Variants in MYO16 observed in about 807,000 individuals in gnomAD.
MYO16 encodes myosin XVI.
Under a neutral mutation model 205.3 loss-of-function variants are expected in MYO16, and 94 were observed. The ratio of observed to expected loss-of-function variants is 0.46; its 90% confidence interval spans 0.39 to 0.54. MYO16 has a LOEUF of 0.54. Among genes scored for constraint, MYO16 ranks in the 20% least tolerant of loss-of-function variants. MYO16 has a pLI of 0.00. For missense variants in MYO16, 2,315 were observed against 2,387.5 expected (o/e 0.97, Z 0.63); for synonymous variants, 988 against 954.0 (o/e 1.04, Z -0.66).
intron 13 of MYO16, among the ~76,000 whole-genome samples, chr13:108,887,654 G>C (rs1361998793): frequency 6.6e-6 from 1 of 152,120 alleles, no homozygotes; most frequent in African/African-American, 2.4e-5. Context: ...ATCTTTCCTA[G>C]ATTAAAGAAA....
At chr13:109,184,124 C>T (rs190272191) in intron 34 of MYO16, among the ~76,000 whole-genome samples, 8 of 152,036 alleles carry the variant, frequency 5.3e-5, no homozygotes, top group South Asian at 4.2e-4. Flanking sequence ...AATCATTAAA[C>T]GATAATTCTA....
At chr13:109,022,027 C>T (rs891814460) in intron 23 of MYO16, among the ~76,000 whole-genome samples, 8 of 149,970 alleles carry the variant, frequency 5.3e-5, no homozygotes, top group Admixed American at 2.0e-4. Flanking sequence ...GTGAGTGGCA[C>T]GTCAGAAGGA....
At chr13:109,122,420 T>A (rs2139764714) in intron 29 of MYO16, among the ~76,000 whole-genome samples, 1 of 152,326 alleles carries the variant, frequency 6.6e-6, no homozygotes, top group Non-Finnish European at 1.5e-5. Flanking sequence ...GGCTCACGCC[T>A]GTATTCTCAG....
chr13:108,661,401 T>C (rs1434315381), intron 1 of MYO16, among the ~76,000 whole-genome samples: 1 of 152,124 alleles, frequency 6.6e-6, no homozygotes, highest in African/African-American at 2.4e-5. Flanking sequence ...AATTTTCTTC[T>C]TCCTCAAGTA....
At chr13:108,690,219 A>T (rs1345805594) in intron 2 of MYO16, among the ~76,000 whole-genome samples, 1 of 151,932 alleles carries the variant, frequency 6.6e-6, no homozygotes, top group African/African-American at 2.4e-5. Context: ...AGCTGCAACC[A>T]TCAACAACTG....
chr13:108,864,851 G>A (rs1360943096), intron 11 of MYO16, among the ~76,000 whole-genome samples: 2 of 152,068 alleles, frequency 1.3e-5, no homozygotes, highest in Admixed American at 6.6e-5. Flanking sequence ...ATGCCTTGAT[G>A]TACATACACT....
intron 27 of MYO16, among the ~76,000 whole-genome samples, chr13:109,070,822 A>T (rs1448457250): frequency 6.6e-6 from 1 of 152,218 alleles, no homozygotes; most frequent in Non-Finnish European, 1.5e-5. Flanking sequence ...GCATCAATTT[A>T]TACACGGAAA....
chr13:109,094,672 C>T (rs1566503162), intron 27 of MYO16, among the ~76,000 whole-genome samples: 2 of 152,152 alleles, frequency 1.3e-5, no homozygotes. Flanking sequence ...CTATCCCTCC[C>T]CTAGCCCCCA....
chr13:108,588,817 C>G, the MYO16 span, among the ~76,000 whole-genome samples: 2 of 152,108 alleles, frequency 1.3e-5, no homozygotes, highest in Non-Finnish European at 2.9e-5. Context: ...CTAGGCTGAA[C>G]AGAGACCCCT....
In MYO16 at chr13:109,031,748, T is replaced by G. The variant is rs115133326; in HGVS notation, c.2796+11837T>G. 3.4e-3 allele frequency among the ~76,000 whole-genome samples: 525 copies of G among 152,278 alleles called. 3 individuals are homozygous for G. The highest frequency in any genetic ancestry group is 0.012 in the African/African-American group (489 of 41,570). ...TTTAAAATATATTCGGCAAGATTAGTTTTTTCCTTGTAACCAGATAAAAAT... is the reference window on the plus strand; with the variant it reads ...TTTAAAATATATTCGGCAAGATTAGGTTTTTCCTTGTAACCAGATAAAAAT... On this transcript the variant is annotated intron_variant, in intron 23 of 34. Transcript: ENST00000457511.
At chr13:109,187,545 T>C (rs1211981961) in intron 34 of MYO16, among the ~76,000 whole-genome samples, 12 of 152,168 alleles carry the variant, frequency 7.9e-5, no homozygotes, top group Non-Finnish European at 1.3e-4. Context: ...AATAGCTGCA[T>C]CCCACAAATC....
the MYO16 span, among the ~76,000 whole-genome samples, chr13:108,584,157 G>A: frequency 2.6e-5 from 4 of 152,162 alleles, 1 homozygote; most frequent in Middle Eastern, 0.01. Flanking sequence ...TTTTCACCGG[G>A]TTAGCCAGGA....
chr13:108,951,638 T>C (rs1883153057), intron 16 of MYO16, among the ~76,000 whole-genome samples: 1 of 152,144 alleles, frequency 6.6e-6, no homozygotes, highest in Non-Finnish European at 1.5e-5. Context: ...CAATTATTAT[T>C]TAACCAAATA....
intron 9 of MYO16, among the ~76,000 whole-genome samples, chr13:108,842,753 A>G (rs539785863): frequency 6.6e-6 from 1 of 152,136 alleles, no homozygotes; most frequent in Admixed American, 6.6e-5. Flanking sequence ...ACAATTCTGG[A>G]TATTTTATTC....
intron 20 of MYO16, among the ~76,000 whole-genome samples, chr13:108,978,221 T>C (rs1884336121): frequency 6.6e-6 from 1 of 152,098 alleles, no homozygotes; most frequent in Admixed American, 6.6e-5. Context: ...TACTTTCTTA[T>C]GTAAATGATC....
At chr13:108,951,393 T>A (rs1039561147) in intron 16 of MYO16, among the ~76,000 whole-genome samples, 10 of 152,134 alleles carry the variant, frequency 6.6e-5, no homozygotes, top group African/African-American at 2.4e-4. Context: ...CGTGGAGAGC[T>A]GGGAGGAGTG....
At chr13:108,590,484 C>T in the MYO16 span, among the ~76,000 whole-genome samples, 1 of 152,164 alleles carries the variant, frequency 6.6e-6, no homozygotes, top group African/African-American at 2.4e-5. Context: ...CTGTGTCCCC[C>T]AGAAGGATAT....
intron 1 of MYO16, among the ~76,000 whole-genome samples, chr13:108,652,076 T>C (rs1881030969): frequency 6.6e-6 from 1 of 151,740 alleles, no homozygotes; most frequent in Non-Finnish European, 1.5e-5. Flanking sequence ...TTTGGAAGAG[T>C]GTTATAACAA....
chr13:109,199,338 C>G (rs1463167567), intron 34 of MYO16, among the ~76,000 whole-genome samples: 1 of 150,180 alleles, frequency 6.7e-6, no homozygotes, highest in Non-Finnish European at 1.5e-5. Flanking sequence ...CTCAGTTGTC[C>G]CATTCATGAA....
Sources: gnomAD v4.1 joint callset for allele counts (sites outside exome capture counted in the v4.1 genomes callset) on GRCh38, gnomAD v4.1.1 for gene constraint, MANE v1.5 for transcripts, NCBI Gene and HGNC (gene_info 2026-07-23, HGNC 2026-07-21) for gene names.